TMEM117: variants seen among roughly 807,000 people sequenced by gnomAD.
The protein encoded by TMEM117 is transmembrane protein 117.
TMEM117 carries 27 observed loss-of-function variants against 52.4 expected under a neutral mutation model. The ratio of observed to expected loss-of-function variants is 0.51; its 90% CI spans 0.38 to 0.71. TMEM117 has a LOEUF of 0.71. TMEM117 is among the 30% of genes least tolerant of loss of function. The probability of loss-of-function intolerance (pLI) is 0.00; values close to 1 mark genes in which losing one functional copy is unlikely to be tolerated. For synonymous variants in TMEM117, 215 were observed against 206.3 expected (o/e 1.04, Z -0.36); for missense variants, 556 against 630.5 (o/e 0.88, Z 1.26).
intron 4 of TMEM117, among the ~76,000 whole-genome samples, chr12:44,152,680 A>C (rs1264259732): frequency 1.5e-5 from 2 of 133,570 alleles, no homozygotes; most frequent in Non-Finnish European, 3.1e-5. Flanking sequence ...ATTTTTATAT[A>C]TATAATATTT....
upstream of TMEM117, among the ~76,000 whole-genome samples, chr12:43,835,140 A>C (rs116069452): frequency 3.8e-3 from 583 of 152,322 alleles, 6 homozygotes; most frequent in African/African-American, 0.013. Context: ...CGTTTTCAGC[A>C]ACCGGTAAAC....
At chr12:44,327,638 T>A (rs969060470) in intron 6 of TMEM117, among the ~76,000 whole-genome samples, 1 of 152,236 alleles carries the variant, frequency 6.6e-6, no homozygotes, top group African/African-American at 2.4e-5. Flanking sequence ...ATATTTATGT[T>A]TCATTCTGGC....
rs1353823976 is a variant in TMEM117, at chr12:44,291,475, G to A, written c.609-8105G>A. ...AACAGTTTTTCTTCCTTTCTGATTT[G>A]GATATCTTTTATTTCATTTTCTTGC... is the stretch of plus-strand genomic sequence containing the variant. On this transcript the variant is annotated intron_variant, in intron 5 of 7. Transcript: ENST00000266534. Among the ~76,000 whole-genome samples, 6 of 133,548 alleles carry A rather than the reference G, an allele frequency of 4.5e-5. No homozygotes were observed. The Admixed American group carries it at 4.8e-4, about 11-fold the overall frequency. The allele number at this position is 133,548 out of a possible 152,430, so 87.6% of individuals were successfully genotyped here. A position where few individuals can be genotyped will look rare whatever the true frequency, so the allele number is the denominator to read the frequency against.
intron 6 of TMEM117, among the ~76,000 whole-genome samples, chr12:44,336,954 G>A (rs1951350009): frequency 6.6e-6 from 1 of 152,032 alleles, no homozygotes; most frequent in South Asian, 2.1e-4. Context: ...GTATTATGAA[G>A]TTAAACGTGT....
At chr12:44,242,879 A>G (rs1950080964) in intron 5 of TMEM117, among the ~76,000 whole-genome samples, 1 of 151,718 alleles carries the variant, frequency 6.6e-6, no homozygotes, top group African/African-American at 2.4e-5. Context: ...CACTCCCACC[A>G]ACAGTGTATA....
intron 3 of TMEM117, among the ~76,000 whole-genome samples, chr12:43,962,993 A>G (rs1184310573): frequency 6.6e-6 from 1 of 151,906 alleles, no homozygotes; most frequent in Non-Finnish European, 1.5e-5. Flanking sequence ...TACATTATTC[A>G]GCATCCTATA....
the TMEM117 span, chr12:43,799,617 C>T: frequency 1.1e-5 from 6 of 543,410 alleles, no homozygotes; most frequent in Non-Finnish European, 1.8e-5. Flanking sequence ...AAATAAATAG[C>T]ATTATGAATT....
chr12:44,351,651 T>A (rs1951563798), intron 6 of TMEM117, among the ~76,000 whole-genome samples: 1 of 151,884 alleles, frequency 6.6e-6, no homozygotes, highest in Non-Finnish European at 1.5e-5. Context: ...CACATACTCT[T>A]TTATTCATTC....
chr12:44,208,150 T>A (rs1241008222), intron 4 of TMEM117, among the ~76,000 whole-genome samples: 2 of 152,142 alleles, frequency 1.3e-5, no homozygotes, highest in Non-Finnish European at 2.9e-5. Context: ...TAGAGATAAT[T>A]GTTTTTTACA....
chr12:44,013,352 G>A (rs1479327931), intron 3 of TMEM117, among the ~76,000 whole-genome samples: 21 of 152,054 alleles, frequency 1.4e-4, no homozygotes, highest in Admixed American at 1.4e-3. Flanking sequence ...TAATGAGCTT[G>A]TGGCCCTGGG....
In TMEM117 at chr12:44,376,676, C is replaced by A; in HGVS notation, c.850C>A (p.Pro284Thr). Residue 284 changes from proline (P) to threonine (T), a missense_variant, in exon 7 of 8, where the codon CCT becomes ACT. By Grantham distance (38) the Pro-to-Thr change is conservative (BLOSUM62 -1). Transcript: ENST00000266534. The part of the protein sequence containing the change: ...LHTPHMQFKI[P>T]FFQKIFKEEY... ...CACCCCTCACATGCAGTTCAAGATT[C>A]CTTTCTTCCAGAAAATCTTCAAGGA... The A allele has an allele frequency of 6.2e-7, 1 of 1,611,766 alleles. No individual in the cohort carries two copies. The highest frequency in any genetic ancestry group is 1.3e-5 in the African/African-American group (1 of 74,942).
intron 2 of TMEM117, among the ~76,000 whole-genome samples, chr12:43,922,084 G>A (rs1235345127): frequency 6.6e-6 from 1 of 152,074 alleles, no homozygotes; most frequent in Non-Finnish European, 1.5e-5. Context: ...CAGCAAAAAA[G>A]CACAATAAGG....
Position 44,088,313 on chromosome 12 carries a change from C to T in TMEM117, c.411-55212C>T, listed in dbSNP as rs532750842. Among the ~76,000 whole-genome samples the T allele has an allele frequency of 9.0e-4, 137 of 152,116 alleles. 1 individual carries two copies. The highest frequency in any genetic ancestry group is 3.0e-3 in the African/African-American group (125 of 41,464). ...ACCAGTGTTTTCTCTTTGATTTCCC[C>T]CATAACACTGTGAGATTAATTAGTA... is the stretch of plus-strand genomic sequence containing the variant. On this transcript the variant is annotated intron_variant, in intron 3 of 7. Coordinates refer to ENST00000266534, the MANE Select transcript of TMEM117 (RefSeq NM_032256.3).
At chr12:44,216,511 T>G (rs537697337) in intron 5 of TMEM117, among the ~76,000 whole-genome samples, 4 of 152,294 alleles carry the variant, frequency 2.6e-5, no homozygotes, top group Admixed American at 2.6e-4. Flanking sequence ...TTACAAAAAG[T>G]CATCCCTAGA....
chr12:44,213,486 A>G (rs11610433), intron 5 of TMEM117, among the ~76,000 whole-genome samples: 15,785 of 152,218 alleles, frequency 0.1, 929 homozygotes, highest in Middle Eastern at 0.2. Flanking sequence ...GGTCTCTCTT[A>G]AAACAATATT....
At chr12:43,959,259 T>C (rs1442874291) in intron 3 of TMEM117, among the ~76,000 whole-genome samples, 1 of 152,212 alleles carries the variant, frequency 6.6e-6, no homozygotes, top group Non-Finnish European at 1.5e-5. Flanking sequence ...GACTTAGGCC[T>C]TAGCCTCTGG....
At chr12:43,994,674 CAATT>C (rs1388664565) in intron 3 of TMEM117, among the ~76,000 whole-genome samples, 1 of 151,880 alleles carries the variant, frequency 6.6e-6, no homozygotes, top group Non-Finnish European at 1.5e-5. Context: ...TATTCCTTTT[CAATT>C]AATTGAAAGA....
At chr12:43,970,725 A>T (rs868576804) in intron 3 of TMEM117, among the ~76,000 whole-genome samples, 10 of 152,332 alleles carry the variant, frequency 6.6e-5, no homozygotes, top group African/African-American at 1.9e-4. Flanking sequence ...TCGGGCGTCC[A>T]TTGGTGGACA....
chr12:44,098,790 G>A (rs80010022), intron 3 of TMEM117, among the ~76,000 whole-genome samples: 2,825 of 152,174 alleles, frequency 0.019, 71 homozygotes, highest in East Asian at 0.057. Flanking sequence ...AAAAGGAATA[G>A]GTCTTAGTCT....
Sources: allele counts gnomAD v4.1 joint callset (sites outside exome capture counted in the v4.1 genomes callset), GRCh38; gene constraint gnomAD v4.1.1; transcripts MANE v1.5; gene names NCBI Gene and HGNC (gene_info 2026-07-23, HGNC 2026-07-21).